Variants in MLLT10 observed in about 807,000 individuals in gnomAD.
MLLT10 encodes the protein protein AF-10.
MLLT10 carries 30 observed loss-of-function variants against 129.1 expected under a neutral mutation model. The observed-to-expected ratio is 0.23, with a 90% CI of 0.17 to 0.32. The LOEUF is 0.32. Among genes scored for constraint, MLLT10 ranks in the 10% least tolerant of loss-of-function variants. The pLI is 1.00. For missense variants in MLLT10, 1,119 were observed against 1,268.3 expected, an observed-to-expected ratio of 0.88 and a Z score of 1.79; for synonymous variants, 490 against 446.4, an observed-to-expected ratio of 1.10 and a Z score of -1.23.
At chr10:21,557,317 C>T (rs2038164689) in intron 3 of MLLT10, 1 of 398,388 alleles carries the variant, frequency 2.5e-6, no homozygotes, top group African/African-American at 2.2e-5. Context: ...TTTTGTTCTT[C>T]AGTGACTCTT....
intron 3 of MLLT10, among the ~76,000 whole-genome samples, chr10:21,552,155 G>A (rs1012487526): frequency 6.6e-6 from 1 of 151,760 alleles, no homozygotes; most frequent in Non-Finnish European, 1.5e-5. Context: ...CGATCTCCTG[G>A]GTTCAAGGGA....
At chr10:21,624,373 A>G (rs1363598794) in intron 8 of MLLT10, among the ~76,000 whole-genome samples, 1 of 152,202 alleles carries the variant, frequency 6.6e-6, no homozygotes, top group Non-Finnish European at 1.5e-5. Flanking sequence ...TCCCAGAATA[A>G]GGGAACTCTG....
At chr10:21,604,987 T>G (rs1454697854) in intron 5 of MLLT10, among the ~76,000 whole-genome samples, 2 of 151,896 alleles carry the variant, frequency 1.3e-5, no homozygotes, top group Admixed American at 1.3e-4. Flanking sequence ...GCAGGAGTAT[T>G]ATTTGAGTCC....
At chr10:21,714,014 G>A in intron 14 of MLLT10, 64 bp downstream of exon 14, 17 of 1,431,976 alleles carry the variant, frequency 1.2e-5, no homozygotes, top group Non-Finnish European at 1.6e-5. Context: ...AGTGAGTTTT[G>A]TTGGAGGAGA....
chr10:21,557,192 A>G, intron 3 of MLLT10: 1 of 1,283,090 alleles, frequency 7.8e-7, no homozygotes, highest in Non-Finnish European at 9.9e-7. Flanking sequence ...TCAAATGCCT[A>G]CTGTGTTGTT....
intron 8 of MLLT10, among the ~76,000 whole-genome samples, chr10:21,618,799 C>A (rs1190780494): frequency 1.3e-5 from 2 of 151,892 alleles, no homozygotes; most frequent in African/African-American, 4.8e-5. Context: ...GTGGCGTGAT[C>A]TCGTGTTATT....
chr10:21,629,345 GATAAC>G lies in MLLT10; in HGVS notation c.699+12146_699+12150del, dbSNP rs1185175058. ...TTAAGGTTTTTTTGAGGTAAGAATA[GATAAC>G]ATAACATTTGCCATTTTAACCACTT... On this transcript the variant is annotated intron_variant, in intron 8 of 22. Transcript: ENST00000307729. Among the ~76,000 whole-genome samples, 10 of 152,016 alleles carry G rather than the reference GATAAC, an allele frequency of 6.6e-5. No homozygotes were observed. In the East Asian group the frequency reaches 9.6e-4, roughly 15 times the overall value.
intron 5 of MLLT10, among the ~76,000 whole-genome samples, chr10:21,602,417 G>T (rs2043626987): frequency 6.6e-6 from 1 of 151,960 alleles, no homozygotes; most frequent in Non-Finnish European, 1.5e-5. Flanking sequence ...TAAATTCTCA[G>T]ATAACACACC....
intron 8 of MLLT10, among the ~76,000 whole-genome samples, chr10:21,620,353 C>T (rs765186374): frequency 6.6e-6 from 1 of 152,110 alleles, no homozygotes; most frequent in Non-Finnish European, 1.5e-5. Context: ...ACAGACAGTT[C>T]CCAATTTGAA....
chr10:21,613,905 A>T (rs529968004), intron 6 of MLLT10, among the ~76,000 whole-genome samples: 5 of 143,622 alleles, frequency 3.5e-5, no homozygotes, highest in Admixed American at 1.4e-4. Context: ...GGCTCCATCT[A>T]AAAAAAAAAA....
At chr10:21,690,628 C>G (rs2053759888) in intron 13 of MLLT10, among the ~76,000 whole-genome samples, 1 of 151,616 alleles carries the variant, frequency 6.6e-6, no homozygotes, top group Non-Finnish European at 1.5e-5. Flanking sequence ...GATCTCTTTC[C>G]TCTCCTCTTG....
rs139721130 is a variant in MLLT10, at chr10:21,609,529, C to G, written c.406-2819C>G. On this transcript the variant is annotated intron_variant, in intron 5 of 22. Coordinates refer to ENST00000307729, the MANE Select transcript of MLLT10 (RefSeq NM_001195626.3). ...TTTAGGTTCGTCACAAATCCTGATA[C>G]AATTTCTCCCCATTGGGTGCAGCCT... Among the ~76,000 whole-genome samples, 66 of 152,260 alleles carry G rather than the reference C, an allele frequency of 4.3e-4. No individual in the cohort carries two copies. In the East Asian group the frequency reaches 0.011, roughly 25 times the overall value.
At chr10:21,611,162 ATT>A (rs754596411) in intron 5 of MLLT10, among the ~76,000 whole-genome samples, 8 of 115,466 alleles carry the variant, frequency 6.9e-5, no homozygotes, top group Non-Finnish European at 9.3e-5. Context: ...ATGCCCGGCT[ATT>A]TTTTTTTTTT....
chr10:21,584,783 G>A (rs113421910), intron 3 of MLLT10, among the ~76,000 whole-genome samples: 5 of 151,392 alleles, frequency 3.3e-5, no homozygotes, highest in Admixed American at 3.3e-4. Flanking sequence ...GTGTGTATGT[G>A]TGTATATATA....
chr10:21,678,986 A>T (rs2131396666), intron 11 of MLLT10, among the ~76,000 whole-genome samples: 1 of 152,320 alleles, frequency 6.6e-6, no homozygotes, highest in South Asian at 2.1e-4. Context: ...ATCAGTTTTA[A>T]TAGTAATCAA....
At chr10:21,707,052 C>T (rs865924929) in intron 13 of MLLT10, among the ~76,000 whole-genome samples, 1 of 152,006 alleles carries the variant, frequency 6.6e-6, no homozygotes, top group East Asian at 1.9e-4. Flanking sequence ...CCCAGGCTGG[C>T]GTTTAAGAAA....
intron 8 of MLLT10, among the ~76,000 whole-genome samples, chr10:21,626,851 A>T (rs2046500097): frequency 6.6e-6 from 1 of 152,210 alleles, no homozygotes; most frequent in South Asian, 2.1e-4. Context: ...GCATCTGTAT[A>T]TGTGAAGAGT....
chr10:21,664,891 T>C (rs191869229), intron 9 of MLLT10, among the ~76,000 whole-genome samples: 1 of 151,968 alleles, frequency 6.6e-6, no homozygotes, highest in Non-Finnish European at 1.5e-5. Context: ...TCTTTTCACA[T>C]GCTTATACTT....
upstream of MLLT10, among the ~76,000 whole-genome samples, chr10:21,533,947 G>A (rs1189960106): frequency 6.6e-6 from 1 of 152,048 alleles, no homozygotes; most frequent in Non-Finnish European, 1.5e-5. Flanking sequence ...CCACCTCCCA[G>A]GCCTCTTCCC....
Sources: allele counts gnomAD v4.1 joint callset (sites outside exome capture counted in the v4.1 genomes callset), GRCh38; gene constraint gnomAD v4.1.1; transcripts MANE v1.5; gene names NCBI Gene and HGNC (gene_info 2026-07-23, HGNC 2026-07-21).